PLA2G4A: variants seen among roughly 807,000 people sequenced by gnomAD.
PLA2G4A encodes cytosolic phospholipase A2.
In PLA2G4A, 40 loss-of-function variants were observed where a neutral mutation model predicts 81.9. The ratio of observed to expected loss-of-function variants is 0.49; its 90% CI spans 0.38 to 0.64. The LOEUF (loss-of-function observed/expected upper bound fraction) is 0.64, where lower values mean the gene tolerates loss of function less well. PLA2G4A is among the 30% of genes least tolerant of loss of function. The pLI, the probability that PLA2G4A is intolerant of heterozygous loss-of-function variation, is 0.00. For missense variants in PLA2G4A, 715 were observed against 905.1 expected (o/e 0.79, Z 2.69); for synonymous variants, 302 against 296.9 (o/e 1.02, Z -0.18).
intron 5 of PLA2G4A, among the ~76,000 whole-genome samples, chr1:186,896,703 A>G (rs1181357409): frequency 2.6e-5 from 4 of 152,200 alleles, no homozygotes; most frequent in African/African-American, 9.7e-5. Flanking sequence ...GGCTTTCCAC[A>G]TTCCTGAATT....
intron 3 of PLA2G4A, among the ~76,000 whole-genome samples, chr1:186,874,266 T>C (rs1326255686): frequency 6.6e-6 from 1 of 152,096 alleles, no homozygotes; most frequent in Non-Finnish European, 1.5e-5. Flanking sequence ...AGAATTTTCT[T>C]TGTGCCTGTA....
intron 1 of PLA2G4A, among the ~76,000 whole-genome samples, chr1:186,830,957 G>GCTTGCTTTCTTTTTCTTT (rs1491468816): frequency 1.1e-4 from 9 of 82,716 alleles, no homozygotes; most frequent in African/African-American, 3.6e-4. Context: ...TTGCTTGCTT[G>GCTTGCTTTCTTTTTCTTT]CTTTCTTTCT....
At chr1:186,958,750 G>T (rs962309204) in intron 14 of PLA2G4A, among the ~76,000 whole-genome samples, 5 of 152,036 alleles carry the variant, frequency 3.3e-5, no homozygotes, top group Non-Finnish European at 7.4e-5. Context: ...TACTTGGATT[G>T]CACCAGCTCC....
intron 7 of PLA2G4A, among the ~76,000 whole-genome samples, chr1:186,928,860 T>C (rs1008756963): frequency 6.6e-6 from 1 of 152,210 alleles, no homozygotes; most frequent in African/African-American, 2.4e-5. Context: ...GAAATATTTA[T>C]TGACATCATT....
chr1:186,833,290 G>A (rs1259954181), intron 1 of PLA2G4A, among the ~76,000 whole-genome samples: 1 of 151,924 alleles, frequency 6.6e-6, no homozygotes, highest in Non-Finnish European at 1.5e-5. Context: ...AGCAATTTGG[G>A]AGGCTGAGGC....
intron 10 of PLA2G4A, among the ~76,000 whole-genome samples, chr1:186,945,828 C>T (rs1173499205): frequency 2.6e-5 from 4 of 152,124 alleles, no homozygotes; most frequent in Non-Finnish European, 2.9e-5. Context: ...CATGGGAATA[C>T]ATGAAACATA....
rs559370504 is a variant in PLA2G4A at position 186,913,657 on chromosome 1, T to C, written c.558+2268T>C. Among the ~76,000 whole-genome samples, 248 of 142,682 alleles carry C rather than the reference T, an allele frequency of 1.7e-3. 2 individuals are homozygous for C. Among genetic ancestry groups the C allele is most frequent in the African/African-American group, 5.8e-3 (239 of 41,040 alleles). The allele number at this position is 142,682 out of a possible 152,430, so 93.6% of individuals were successfully genotyped here. A position where few individuals can be genotyped will look rare whatever the true frequency, so the allele number is the denominator to read the frequency against. On this transcript the variant is annotated intron_variant, in intron 7 of 17. Coordinates refer to ENST00000367466, the MANE Select transcript of PLA2G4A (RefSeq NM_024420.3). ...AAAAATAATATTTTAAATACATAAG[T>C]AAACATATATGTGCATAGTCTTGTA...
intron 10 of PLA2G4A, among the ~76,000 whole-genome samples, chr1:186,940,363 T>G (rs1294469983): frequency 6.6e-6 from 1 of 152,230 alleles, no homozygotes; most frequent in African/African-American, 2.4e-5. Context: ...CAATTAATTA[T>G]CCACTCCTCA....
chr1:186,872,353 C>T lies in PLA2G4A; in HGVS notation c.115+1837C>T, dbSNP rs942929895. Among the ~76,000 whole-genome samples, 6 of 152,026 alleles carry T rather than the reference C, an allele frequency of 3.9e-5. No homozygotes were observed. The South Asian group carries it at 8.3e-4, about 21-fold the overall frequency. On this transcript the variant is annotated intron_variant, in intron 3 of 17. Coordinates refer to ENST00000367466, the MANE Select transcript of PLA2G4A (RefSeq NM_024420.3). ...TACCCACCATACTCTTAAGAAAAGG[C>T]GTGCGTTTTACAACCAAAGAGGCCA...
intron 2 of PLA2G4A, among the ~76,000 whole-genome samples, chr1:186,867,377 T>A (rs1314864880): frequency 6.6e-6 from 1 of 152,198 alleles, no homozygotes; most frequent in African/African-American, 2.4e-5. Context: ...TTGATTTATT[T>A]CATATGAATT....
At chr1:186,858,857 T>C (rs1449265699) in intron 2 of PLA2G4A, among the ~76,000 whole-genome samples, 3 of 152,070 alleles carry the variant, frequency 2.0e-5, no homozygotes, top group Non-Finnish European at 4.4e-5. Flanking sequence ...CTTTACAGTT[T>C]TCTTTATTCT....
chr1:186,961,988 C>T (rs1055697342), intron 14 of PLA2G4A, among the ~76,000 whole-genome samples: 1 of 152,152 alleles, frequency 6.6e-6, no homozygotes, highest in Non-Finnish European at 1.5e-5. Context: ...AACTCTCATG[C>T]CTTTCCTCCT....
intron 13 of PLA2G4A, among the ~76,000 whole-genome samples, chr1:186,951,038 T>C (rs888010646): frequency 1.3e-5 from 2 of 152,208 alleles, no homozygotes; most frequent in Admixed American, 6.5e-5. Context: ...CTTCTCAGCA[T>C]GGTTACTGTG....
chr1:186,912,727 TATACATATATATAC>T (rs1654993069), intron 7 of PLA2G4A, among the ~76,000 whole-genome samples: 1 of 144,162 alleles, frequency 6.9e-6, no homozygotes, highest in African/African-American at 2.6e-5. Context: ...TATATTTATA[TATACATATATATAC>T]ATATATATGT....
intron 5 of PLA2G4A, among the ~76,000 whole-genome samples, chr1:186,906,748 C>T (rs1340301864): frequency 1.3e-5 from 2 of 152,088 alleles, no homozygotes; most frequent in Non-Finnish European, 2.9e-5. Flanking sequence ...GCTAAAATGA[C>T]GTACTAAGTA....
intron 17 of PLA2G4A, among the ~76,000 whole-genome samples, chr1:186,983,420 A>G (rs755681861): frequency 6.6e-6 from 1 of 152,180 alleles, no homozygotes; most frequent in African/African-American, 2.4e-5. Flanking sequence ...TTCCTCTTCA[A>G]TTCACTCTGA....
chr1:186,919,324 G>T (rs1405077584), intron 7 of PLA2G4A, among the ~76,000 whole-genome samples: 3 of 152,156 alleles, frequency 2.0e-5, no homozygotes, highest in Non-Finnish European at 4.4e-5. Flanking sequence ...CAGATGACCT[G>T]CTTTCTTTCT....
intron 7 of PLA2G4A, among the ~76,000 whole-genome samples, chr1:186,919,536 A>T (rs1003766359): frequency 2.0e-5 from 3 of 152,138 alleles, no homozygotes; most frequent in African/African-American, 7.2e-5. Flanking sequence ...GATGCAGCCT[A>T]GGTCTTTGGC....
At chr1:186,839,211 G>T (rs3820185) in intron 1 of PLA2G4A, among the ~76,000 whole-genome samples, 55,078 of 152,052 alleles carry the variant, frequency 0.36, 10,228 homozygotes, top group East Asian at 0.58. Context: ...AGGCAGCATG[G>T]TGAGAAGAGA....
Sources: gnomAD v4.1 joint callset for allele counts (sites outside exome capture counted in the v4.1 genomes callset) on GRCh38, gnomAD v4.1.1 for gene constraint, MANE v1.5 for transcripts, NCBI Gene and HGNC (gene_info 2026-07-23, HGNC 2026-07-21) for gene names.